B3GALT5: variants seen among roughly 807,000 people sequenced by gnomAD.
B3GALT5 encodes UDP-Gal:betaGlcNAc beta 1,3-galactosyltransferase, polypeptide 5.
For missense variants in B3GALT5, 328 were observed against 396.6 expected (o/e 0.83, Z 1.47); for synonymous variants, 156 against 158.6 (o/e 0.98, Z 0.12).
At position 39,639,408 on chromosome 21, in the gene B3GALT5, CTT is replaced by C. The variant is rs1314384832; in HGVS notation, c.-391-6982_-391-6981del. On this transcript the variant is annotated intron_variant, in intron 1 of 3. Transcript: ENST00000684187. The stretch of plus-strand genomic sequence containing the variant: ...CTTCCTTCCTTCTTTCTTTTTCTTT[CTT>C]TCTTTCTTTCTTTCTTTCTTTCTTT... Among the ~76,000 whole-genome samples the C allele has an allele frequency of 9.7e-3, 792 of 81,974 alleles. 26 individuals carry two copies. The highest frequency in any genetic ancestry group is 0.022 in the East Asian group (57 of 2,578). 53.8% of individuals were successfully genotyped at this position (81,974 alleles called of 152,430 possible). A position where few individuals can be genotyped will look rare whatever the true frequency, so the allele number is the denominator to read the frequency against.
In B3GALT5 at chr21:39,639,294, CTT is replaced by C. The variant is rs1569211977; in HGVS notation, c.-391-7096_-391-7095del. 1.1e-4 allele frequency among the ~76,000 whole-genome samples: 6 copies of C among 54,352 alleles called. No individual in the cohort carries two copies. In the East Asian group the frequency reaches 1.7e-3, roughly 15 times the overall value. The allele number at this position is 54,352 out of a possible 152,430, so 35.7% of individuals were successfully genotyped here. A position where few individuals can be genotyped will look rare whatever the true frequency, so the allele number is the denominator to read the frequency against. ...AGCAGCTTCAGGCATCTGGCTCTTT[CTT>C]TCTTTCTTTCTTTCTTTCTTTCTTT... On this transcript the variant is annotated intron_variant, in intron 1 of 3. Coordinates refer to ENST00000684187, the MANE Select transcript of B3GALT5 (RefSeq NM_001356336.2).
At chr21:39,637,971 A>T (rs2079240633) in intron 1 of B3GALT5, among the ~76,000 whole-genome samples, 1 of 152,200 alleles carries the variant, frequency 6.6e-6, no homozygotes, top group Non-Finnish European at 1.5e-5. Context: ...TTCTGGAGCA[A>T]GTCAGGGTCA....
chr21:39,614,720 T>A lies in B3GALT5; in HGVS notation c.-392+1653T>A, dbSNP rs563802405. ...ACAGATTCAGGCCAGTTCAGACGGG[T>A]CCAAGAAGAGTTTCAGGGTCTCCAT... is the stretch of plus-strand genomic sequence containing the variant. On this transcript the variant is annotated intron_variant, in intron 1 of 3. Transcript: ENST00000684187. Among the ~76,000 whole-genome samples, 11 of 152,180 alleles carry A rather than the reference T, an allele frequency of 7.2e-5. No homozygotes were observed. The East Asian group carries it at 2.1e-3, about 29-fold the overall frequency.
At position 39,661,188 on chromosome 21, in the gene B3GALT5, A is replaced by G; in HGVS notation, c.629A>G (p.Tyr210Cys). The G allele has an allele frequency of 6.2e-7, 1 of 1,614,178 alleles. No homozygotes were observed. The highest frequency in any genetic ancestry group is 8.5e-7 in the Non-Finnish European group (1 of 1,180,038). Residue 210 changes from tyrosine to cysteine, a missense_variant, in exon 4 of 4, where the codon TAC becomes TGC. Tyr to Cys is a radical substitution (Grantham distance 194). Transcript: ENST00000684187. This position sits in a 1 kb window ranked among gnomAD's most constrained non-coding sequence, Gnocchi z 4.7. Reference protein sequence around the residue: ...VSKSEYPWDRYPPFCSGTGYV... With the variant: ...VSKSEYPWDRCPPFCSGTGYV... ...AAATCTGAATATCCGTGGGACAGGTACCCACCATTCTGCTCCGGCACCGGC... is the reference window on the plus strand; with the variant it reads ...AAATCTGAATATCCGTGGGACAGGTGCCCACCATTCTGCTCCGGCACCGGC...
At position 39,661,657 on chromosome 21, in the gene B3GALT5, C is replaced by T. The variant is rs905149883; in HGVS notation, c.*165C>T. 9.4e-6 allele frequency: 6 copies of T among 637,908 alleles called. No individual in the cohort carries two copies. Among genetic ancestry groups the T allele is most frequent in the Non-Finnish European group, 1.5e-5 (6 of 403,604 alleles). The allele number at this position is 637,908 out of a possible 1,614,324, so 39.5% of individuals were successfully genotyped here. ...TCACTGATTAGTTCCCACTTGGTGC[C>T]CCAGGCAATAATAGGCCCGTCTCTT... is the stretch of plus-strand genomic sequence containing the variant. On this transcript the variant is annotated 3_prime_UTR_variant, in exon 4 of 4. Coordinates refer to ENST00000684187, the MANE Select transcript of B3GALT5 (RefSeq NM_001356336.2). This position sits in a 1 kb window ranked among gnomAD's most constrained non-coding sequence, Gnocchi z 4.7.
chr21:39,660,719 C>A lies in B3GALT5; in HGVS notation c.160C>A (p.Gln54Lys). 6.4e-7 allele frequency: 1 copy of A among 1,553,936 alleles called. No homozygotes were observed. The highest frequency in any genetic ancestry group is 8.7e-7 in the Non-Finnish European group (1 of 1,152,738). ...TAAGCTCCCAGATACAGACTGCAGG[C>A]AGACACCTCCCTTCCTCGTCCTGCT... is the stretch of plus-strand genomic sequence containing the variant. Reference protein sequence around the residue: ...FLKLPDTDCRQTPPFLVLLVT... With the variant: ...FLKLPDTDCRKTPPFLVLLVT... Residue 54 changes from glutamine (Q) to lysine (K), a missense_variant, in exon 4 of 4, where the codon CAG becomes AAG. By Grantham distance (53) the Gln-to-Lys change is moderately conservative (BLOSUM62 1). Transcript: ENST00000684187.
chr21:39,654,572 A>G (rs1393991680), intron 2 of B3GALT5, among the ~76,000 whole-genome samples: 1 of 152,254 alleles, frequency 6.6e-6, no homozygotes, highest in Non-Finnish European at 1.5e-5. Context: ...TCCAATTTCA[A>G]AATAAGTTCT....
chr21:39,637,784 GTCTTC>G (rs1288297030), intron 1 of B3GALT5, among the ~76,000 whole-genome samples: 1 of 152,256 alleles, frequency 6.6e-6, no homozygotes, highest in Non-Finnish European at 1.5e-5. Context: ...TACTTGACAA[GTCTTC>G]TCTTAAGGTG....
At chr21:39,653,067 A>C (rs1401392716) in intron 2 of B3GALT5, among the ~76,000 whole-genome samples, 1 of 152,238 alleles carries the variant, frequency 6.6e-6, no homozygotes. Flanking sequence ...CTAGAATAGA[A>C]TGTATTCGTC....
intron 2 of B3GALT5, chr21:39,657,624 G>T: frequency 3.0e-6 from 1 of 331,484 alleles, no homozygotes; most frequent in Non-Finnish European, 5.5e-6. Flanking sequence ...CCGTAATCAC[G>T]CTAGCCAATT....
intron 1 of B3GALT5, among the ~76,000 whole-genome samples, chr21:39,614,657 C>T (rs1028746553): frequency 6.6e-6 from 1 of 152,194 alleles, no homozygotes; most frequent in African/African-American, 2.4e-5. Flanking sequence ...GCAGAGGACA[C>T]GAAGGTGTAG....
rs2079530164 is a variant in B3GALT5, at chr21:39,661,874, C to A, written c.*382C>A. ...CATAGGAGCGGGAATGAAAATCGAG[C>A]ACTGTCAGAATCTGGTGGGCAGCCC... On this transcript the variant is annotated 3_prime_UTR_variant, in exon 4 of 4. Transcript: ENST00000684187. This position sits in a 1 kb window ranked among gnomAD's most constrained non-coding sequence, Gnocchi z 4.7. The A allele has an allele frequency of 5.6e-6, 1 of 178,164 alleles. No homozygotes were observed. Among genetic ancestry groups the A allele is most frequent in the Non-Finnish European group, 1.3e-5 (1 of 75,942 alleles). 11.0% of individuals were successfully genotyped at this position (178,164 alleles called of 1,614,324 possible). A position where few individuals can be genotyped will look rare whatever the true frequency, so the allele number is the denominator to read the frequency against.
Position 39,669,169 on chromosome 21 carries a change from A to G in B3GALT5, c.*7677A>G, listed in dbSNP as rs2079605838. Reference sequence around the variant, plus strand: ...TCTGTTCGTGACATTCTTCACAATCAGAGCACTGTGTTCTTGACCCTCTTA... The same window carrying G: ...TCTGTTCGTGACATTCTTCACAATCGGAGCACTGTGTTCTTGACCCTCTTA... On this transcript the variant is annotated 3_prime_UTR_variant, in exon 4 of 4. Transcript: ENST00000684187. 1 of 152,250 alleles carries G rather than the reference A, an allele frequency of 6.6e-6. No individual in the cohort carries two copies. Among genetic ancestry groups the G allele is most frequent in the African/African-American group, 2.4e-5 (1 of 41,452 alleles). The allele number at this position is 152,250 out of a possible 1,614,324, so 9.4% of individuals were successfully genotyped here. A position where few individuals can be genotyped will look rare whatever the true frequency, so the allele number is the denominator to read the frequency against.
At chr21:39,659,501 GC>G (rs1442082331) in intron 2 of B3GALT5, among the ~76,000 whole-genome samples, 1 of 152,180 alleles carries the variant, frequency 6.6e-6, no homozygotes, top group Non-Finnish European at 1.5e-5. Context: ...TTAAAAAGCT[GC>G]TAGGTGCTAT....
intron 1 of B3GALT5, among the ~76,000 whole-genome samples, chr21:39,636,645 C>G (rs2079229958): frequency 6.6e-6 from 1 of 152,054 alleles, no homozygotes; most frequent in Admixed American, 6.6e-5. Flanking sequence ...CCACGAATTC[C>G]CTGTTTTCCA....
intron 2 of B3GALT5, among the ~76,000 whole-genome samples, chr21:39,656,271 T>C (rs28723541): frequency 3.2e-4 from 48 of 152,272 alleles, no homozygotes; most frequent in African/African-American, 9.4e-4. Flanking sequence ...CCAAGGCCTA[T>C]GCGGTGGTGA....
chr21:39,639,387 CTTCCTTCT>C (rs2079263249), intron 1 of B3GALT5, among the ~76,000 whole-genome samples: 1 of 101,954 alleles, frequency 9.8e-6, no homozygotes, highest in African/African-American at 3.8e-5. Context: ...TCCTTCCTTC[CTTCCTTCT>C]TTCTTTTTCT....
intron 1 of B3GALT5, among the ~76,000 whole-genome samples, chr21:39,626,603 G>GT (rs1046746493): frequency 1.0e-3 from 155 of 150,474 alleles, no homozygotes; most frequent in Admixed American, 1.7e-3. Flanking sequence ...GTTATTTTCT[G>GT]TTTTTTTTTC....
At chr21:39,639,941 C>T (rs2079276644) in intron 1 of B3GALT5, among the ~76,000 whole-genome samples, 1 of 151,970 alleles carries the variant, frequency 6.6e-6, no homozygotes, top group Admixed American at 6.6e-5. Context: ...CAATCAATAA[C>T]TGTAAAATGT....
Sources: gnomAD v4.1 joint callset for allele counts (sites outside exome capture counted in the v4.1 genomes callset) on GRCh38, gnomAD v4.1.1 for gene constraint, Gnocchi (gnomAD v3.1) non-coding constraint, MANE v1.5 for transcripts, NCBI Gene and HGNC (gene_info 2026-07-23, HGNC 2026-07-21) for gene names.